The following EHMT1 variants were observed in gnomAD, a reference collection of about 807,000 sequenced individuals.
EHMT1 encodes the protein histone-lysine N-methyltransferase EHMT1.
Under a neutral mutation model 147.2 loss-of-function variants are expected in EHMT1, and 15 were observed. The observed-to-expected ratio is 0.10, with a 90% CI of 0.07 to 0.16. The LOEUF (loss-of-function observed/expected upper bound fraction) is 0.16, where lower values mean the gene tolerates loss of function less well. Ranked by LOEUF, EHMT1 falls within the 10% of genes least tolerant of loss-of-function variation. The pLI, the probability that EHMT1 is intolerant of heterozygous loss-of-function variation, is 1.00. For missense variants in EHMT1, 1,587 were observed against 1,772.4 expected, an observed-to-expected ratio of 0.90 and a Z score of 1.88; for synonymous variants, 795 against 709.6, an observed-to-expected ratio of 1.12 and a Z score of -1.91.
At chr9:137,805,537 A>ACAGTAG (rs1487327123) in intron 18 of EHMT1, among the ~76,000 whole-genome samples, 1 of 152,248 alleles carries the variant, frequency 6.6e-6, no homozygotes, top group East Asian at 1.9e-4. Context: ...ATGTAGCTTT[A>ACAGTAG]CAGTAGGTCT....
chr9:137,707,951 C>A lies in EHMT1; in HGVS notation c.22-3016C>A, dbSNP rs144115104. Among the ~76,000 whole-genome samples, 629 of 152,252 alleles carry A rather than the reference C, an allele frequency of 4.1e-3. 8 individuals carry two copies. Among genetic ancestry groups the A allele is most frequent in the African/African-American group, 0.014 (600 of 41,536 alleles). ...AGGGTGTCTTTGGTGTGCCTCAAGG[C>A]CCTGCTCTTAAAAGTATTGAGGACC... On this transcript the variant is annotated intron_variant, in intron 1 of 26. Coordinates refer to ENST00000460843, the MANE Select transcript of EHMT1 (RefSeq NM_024757.5).
At chr9:137,675,233 G>T (rs1461528387) in intron 1 of EHMT1, 1 of 152,142 alleles carries the variant, frequency 6.6e-6, no homozygotes, top group African/African-American at 2.4e-5. Context: ...ATTTTAGAAA[G>T]ATAATTTTAA....
chr9:137,729,455 C>T (rs1394450176), intron 4 of EHMT1, among the ~76,000 whole-genome samples: 1 of 151,986 alleles, frequency 6.6e-6, no homozygotes, highest in Non-Finnish European at 1.5e-5. Context: ...GGCATGGTGG[C>T]GGGCGCCTGT....
chr9:137,741,677 G>A (rs561818183), intron 4 of EHMT1, among the ~76,000 whole-genome samples: 66 of 152,242 alleles, frequency 4.3e-4, no homozygotes, highest in South Asian at 1.2e-3. Flanking sequence ...ACCAAAATCC[G>A]AGCATGCTGC....
At chr9:137,818,249 A>C in intron 25 of EHMT1, 111 bp downstream of exon 25, 1 of 1,253,850 alleles carries the variant, frequency 8.0e-7, no homozygotes, top group Non-Finnish European at 1.2e-6. Flanking sequence ...TGTTGACAAG[A>C]GTGGGCTTGC....
intron 1 of EHMT1, among the ~76,000 whole-genome samples, chr9:137,677,622 T>A (rs1416597661): frequency 1.3e-5 from 2 of 151,984 alleles, no homozygotes; most frequent in African/African-American, 4.8e-5. Flanking sequence ...AGACGGGGTT[T>A]CATCGTGTTA....
At chr9:137,627,286 G>A (rs1323736857) in intron 1 of EHMT1, among the ~76,000 whole-genome samples, 11 of 125,580 alleles carry the variant, frequency 8.8e-5, no homozygotes. Flanking sequence ...TTTTTGAGAT[G>A]GCATCTCTTT....
At chr9:137,676,223 AC>A (rs1236238591) in intron 1 of EHMT1, 1 of 149,856 alleles carries the variant, frequency 6.7e-6, no homozygotes, top group Non-Finnish European at 1.5e-5. Flanking sequence ...CCCGGCCATT[AC>A]GCCTGACTAA....
At chr9:137,802,472 AAAG>A in intron 18 of EHMT1, 1 of 398,682 alleles carries the variant, frequency 2.5e-6, no homozygotes, top group Non-Finnish European at 4.4e-6. Context: ...TGATAATAAG[AAAG>A]AAGATTTGAC....
chr9:137,697,841 A>G (rs1943515898), intron 1 of EHMT1, among the ~76,000 whole-genome samples: 1 of 152,234 alleles, frequency 6.6e-6, no homozygotes, highest in African/African-American at 2.4e-5. Flanking sequence ...CGTTCAGATG[A>G]TTCTATCCAT....
intron 1 of EHMT1, among the ~76,000 whole-genome samples, chr9:137,677,551 G>A (rs182681945): frequency 1.3e-5 from 2 of 151,700 alleles, no homozygotes; most frequent in African/African-American, 4.8e-5. Flanking sequence ...TCAGCCTCCC[G>A]AGTTGGTGGG....
intron 3 of EHMT1, among the ~76,000 whole-genome samples, chr9:137,718,452 G>A (rs574078708): frequency 1.3e-5 from 2 of 152,292 alleles, no homozygotes; most frequent in South Asian, 2.1e-4. Flanking sequence ...TTTGTAGATC[G>A]TTTGCTCTTT....
At chr9:137,696,318 C>T (rs1056471494) in intron 1 of EHMT1, among the ~76,000 whole-genome samples, 1 of 152,118 alleles carries the variant, frequency 6.6e-6, no homozygotes, top group Non-Finnish European at 1.5e-5. Flanking sequence ...GAAGTTGCTT[C>T]CCATCTTGGA....
At chr9:137,715,953 T>A (rs936717586) in intron 2 of EHMT1, among the ~76,000 whole-genome samples, 1 of 152,084 alleles carries the variant, frequency 6.6e-6, no homozygotes, top group African/African-American at 2.4e-5. Context: ...AATGCTGGTT[T>A]GCTATGAAAC....
At chr9:137,670,606 C>T (rs768603897) in intron 1 of EHMT1, among the ~76,000 whole-genome samples, 1 of 152,206 alleles carries the variant, frequency 6.6e-6, no homozygotes, top group African/African-American at 2.4e-5. Context: ...CCATCTGCGC[C>T]TCTCTCTTCT....
chr9:137,637,188 C>T (rs945926670), intron 1 of EHMT1, among the ~76,000 whole-genome samples: 1 of 149,880 alleles, frequency 6.7e-6, no homozygotes, highest in African/African-American at 2.5e-5. Context: ...TGAGCCACCG[C>T]ACCAAGCCCA....
chr9:137,627,119 C>T (rs544262847), intron 1 of EHMT1, among the ~76,000 whole-genome samples: 90 of 152,016 alleles, frequency 5.9e-4, no homozygotes, highest in African/African-American at 2.0e-3. Context: ...CCACCACGCT[C>T]GGCTAATTTT....
intron 1 of EHMT1, among the ~76,000 whole-genome samples, chr9:137,669,418 G>GTGCACTCACCA (rs1940206748): frequency 6.5e-5 from 1 of 15,338 alleles, no homozygotes; most frequent in Non-Finnish European, 1.3e-4. Context: ...TGCACTCCAC[G>GTGCACTCACCA]ACTGCACCCA....
rs1047901148 is a variant in EHMT1, at chr9:137,731,252, T to G, written c.823+2723T>G. Among the ~76,000 whole-genome samples the G allele has an allele frequency of 6.6e-6, 1 of 152,204 alleles. No homozygotes were observed. The highest frequency in any genetic ancestry group is 2.4e-5 in the African/African-American group (1 of 41,456). ...ATGGCCTTGAGCACTGGAGGAGATG[T>G]GCTCGGCAGTTAGCTGCCTGCTGTG... On this transcript the variant is annotated intron_variant, in intron 4 of 26. Transcript: ENST00000460843. This position sits in a 1 kb window ranked among gnomAD's most constrained non-coding sequence, Gnocchi z 4.3.
Sources: allele counts gnomAD v4.1 joint callset (sites outside exome capture counted in the v4.1 genomes callset), GRCh38; gene constraint gnomAD v4.1.1; non-coding constraint Gnocchi (gnomAD v3.1); transcripts MANE v1.5; gene names NCBI Gene and HGNC (gene_info 2026-07-23, HGNC 2026-07-21).